The following ZNF217 variants were observed in gnomAD, a reference collection of about 807,000 sequenced individuals.
The protein encoded by ZNF217 is zinc finger protein 217.
ZNF217 carries 12 observed loss-of-function variants against 73.3 expected under a neutral mutation model. That is an observed-to-expected ratio of 0.16 (90% CI 0.10 to 0.27). ZNF217 has a LOEUF of 0.27. Among genes scored for constraint, ZNF217 ranks in the 10% least tolerant of loss-of-function variants. ZNF217 has a pLI of 1.00. For missense variants in ZNF217, 1,195 were observed against 1,327.8 expected, an observed-to-expected ratio of 0.90 and a Z score of 1.55; for synonymous variants, 588 against 516.4, an observed-to-expected ratio of 1.14 and a Z score of -1.88.
At chr20:53,595,783 C>T (rs1989031256), upstream of ZNF217, among the ~76,000 whole-genome samples, 3 of 152,154 alleles carry the variant, frequency 2.0e-5, no homozygotes, top group South Asian at 4.1e-4. Flanking sequence ...TTGTCACATT[C>T]TAAAACACAG....
Position 53,576,048 on chromosome 20 carries a change from T to A in ZNF217, c.2716A>T (p.Ser906Cys), listed in dbSNP as rs1159647533. The change falls in exon 4 of 6, where the codon AGC becomes TGC. Residue 906 changes from serine (S) to cysteine (C), a missense_variant. By Grantham distance (112) the Ser-to-Cys change is moderately radical (BLOSUM62 -1). This residue lies in a region of ZNF217 where 649 missense variants were observed against 642.8 expected (regional missense o/e 1.01). Transcript: ENST00000371471. The stretch of plus-strand genomic sequence containing the variant: ...TCACCAAATTCTGCTGCAGTATTGC[T>A]GGCACTCCGATTACAGAAATAGTCT... ...GRDYFCNRSA[S>C]NTAAEFGEPL... 2 of 1,614,096 alleles carry A rather than the reference T, an allele frequency of 1.2e-6. No homozygotes were observed. Among genetic ancestry groups the A allele is most frequent in the Admixed American group, 3.3e-5 (2 of 60,010 alleles).
intron 1 of ZNF217, among the ~76,000 whole-genome samples, chr20:53,588,960 A>G (rs1988792845): frequency 6.6e-6 from 1 of 152,246 alleles, no homozygotes; most frequent in East Asian, 1.9e-4. Context: ...TACAAAAGAA[A>G]CAAAAACACT....
intron 1 of ZNF217, among the ~76,000 whole-genome samples, chr20:53,585,643 G>T (rs1261315178): frequency 2.0e-5 from 3 of 152,134 alleles, no homozygotes; most frequent in Non-Finnish European, 4.4e-5. Flanking sequence ...AGATGTTTTG[G>T]TTCCAATTCT....
chr20:53,577,607 G>C (rs1026446321), intron 3 of ZNF217, among the ~76,000 whole-genome samples: 1 of 152,232 alleles, frequency 6.6e-6, no homozygotes, highest in Admixed American at 6.5e-5. Context: ...AGGGTGCACA[G>C]ATAGTAAGTG....
Position 53,581,313 on chromosome 20 carries a change from A to T in ZNF217, c.1366+148T>A. 3 of 1,107,820 alleles carry T rather than the reference A, an allele frequency of 2.7e-6. No individual in the cohort carries two copies. The highest frequency in any genetic ancestry group is 3.8e-6 in the Non-Finnish European group (3 of 796,106). The allele number at this position is 1,107,820 out of a possible 1,614,324, so 68.6% of individuals were successfully genotyped here. On this transcript the variant is annotated intron_variant, in intron 2 of 5. Transcript: ENST00000371471. The surrounding 1 kb of genome is among the most constrained non-coding windows in gnomAD (Gnocchi z 4.9). Reference sequence around the variant, plus strand: ...CTGAGAGGTTAAATGACTTACACAGAGTGATACCAAAAAGAGCCTGGACTT... The same window carrying T: ...CTGAGAGGTTAAATGACTTACACAGTGTGATACCAAAAAGAGCCTGGACTT...
Position 53,582,156 on chromosome 20 carries a change from A to G in ZNF217, c.671T>C (p.Leu224Pro). Residue 224 changes from leucine to proline, a missense_variant, in exon 2 of 6, where the codon CTA (leucine) becomes CCA (proline). Leu to Pro is a moderately conservative substitution (Grantham distance 98). Coordinates refer to ENST00000371471, the MANE Select transcript of ZNF217 (RefSeq NM_006526.3). This position sits in a 1 kb window ranked among gnomAD's most constrained non-coding sequence, Gnocchi z 4.8. ...PYKICMVCGF[L>P]FPNKESLIEH... ...AATTAGACTTTCTTTATTTGGAAAT[A>G]GGAAGCCACAAACCATGCAGATTTT... 4 of 1,614,212 alleles carry G rather than the reference A, an allele frequency of 2.5e-6. No homozygotes were observed. Among genetic ancestry groups the G allele is most frequent in the Non-Finnish European group, 3.4e-6 (4 of 1,180,044 alleles).
rs146984310 is a variant in ZNF217, at chr20:53,575,599, T to C, written c.3037+128A>G. ...CCGTATCTAAGAATGCTTCTCTCTG[T>C]GACCCCCAAGAACTTCTGGCTGCCT... is the stretch of plus-strand genomic sequence containing the variant. On this transcript the variant is annotated intron_variant, in intron 4 of 5. Transcript: ENST00000371471. The C allele has an allele frequency of 2.4e-3, 2,048 of 850,454 alleles. 27 individuals carry two copies. In the African/African-American group the frequency reaches 0.028, roughly 12 times the overall value. The allele number at this position is 850,454 out of a possible 1,614,324, so 52.7% of individuals were successfully genotyped here. A position where few individuals can be genotyped will look rare whatever the true frequency, so the allele number is the denominator to read the frequency against.
At chr20:53,594,548 G>GCGCCCCC (rs1381334521), upstream of ZNF217, among the ~76,000 whole-genome samples, 1 of 151,234 alleles carries the variant, frequency 6.6e-6, no homozygotes, top group Non-Finnish European at 1.5e-5. Flanking sequence ...CACCCTCCCC[G>GCGCCCCC]CGCCCCCCGC....
rs776396838 is a variant in ZNF217 at position 53,575,786 on chromosome 20, G to A, written c.2978C>T (p.Ser993Phe). 1 of 1,612,210 alleles carries A rather than the reference G, an allele frequency of 6.2e-7. No homozygotes were observed. Among genetic ancestry groups the A allele is most frequent in the Non-Finnish European group, 8.5e-7 (1 of 1,179,088 alleles). Residue 993 changes from serine (S) to phenylalanine (F), a missense_variant, in exon 4 of 6, where the codon TCC (serine) becomes TTC (phenylalanine). Transcript: ENST00000371471. ...AGGCACACAAGTGTAAAGTGGCCCG[G>A]AGCCACCATAGGGCTTCTGAACAGT... ...VLTVQKPYGG[S>F]GPLYTCVPAG...
rs1988303107 is a variant in ZNF217 at position 53,576,977 on chromosome 20, T to C, written c.1787A>G (p.His596Arg). The change falls in exon 4 of 6, where the codon CAC becomes CGC. Residue 596 changes from histidine to arginine, a missense_variant. By Grantham distance (29) the His-to-Arg change is conservative. Transcript: ENST00000371471. ...TTTATGGAAATCCTGAGTATCTTTG[T>C]GTGCTGGTGAGAGGACAGCGCTGCC... Reference protein sequence around the residue: ...VLGSAVLSPAHKDTQDFHKNA... With the variant: ...VLGSAVLSPARKDTQDFHKNA... The C allele has an allele frequency of 2.5e-6, 4 of 1,614,230 alleles. No homozygotes were observed. The highest frequency in any genetic ancestry group is 3.4e-6 in the Non-Finnish European group (4 of 1,180,038).
chr20:53,575,631 C>T (rs545712309), intron 4 of ZNF217, 96 bp downstream of exon 4: 11 of 1,249,598 alleles, frequency 8.8e-6, no homozygotes, highest in Non-Finnish European at 1.2e-5. Context: ...GCCTACCCCC[C>T]ACCCTTGGGA....
chr20:53,573,932 G>A (rs1178202175), intron 4 of ZNF217, among the ~76,000 whole-genome samples: 2 of 152,020 alleles, frequency 1.3e-5, no homozygotes, highest in Non-Finnish European at 2.9e-5. Context: ...TTAGGCTGGC[G>A]TGGCGGTGGG....
Position 53,581,648 on chromosome 20 carries a change from G to A in ZNF217, c.1179C>T (p.His393=), listed in dbSNP as rs758472287. ...TCCGGTCCTTCTTGTGGACCCTGGA[G>A]TGCAAGACCAGCTGGTGGTAGGTTC... The part of the protein sequence containing the change: ...AFRTYHQLVL[H]SRVHKKDRRA... Residue 393 remains histidine, a synonymous_variant, in exon 2 of 6, where the codon CAC becomes CAT. Transcript: ENST00000371471. The surrounding 1 kb of genome is among the most constrained non-coding windows in gnomAD (Gnocchi z 4.9). The A allele has an allele frequency of 6.2e-7, 1 of 1,614,258 alleles. No individual in the cohort carries two copies. Among genetic ancestry groups the A allele is most frequent in the South Asian group, 1.1e-5 (1 of 91,084 alleles).
rs1219167643 is a variant in ZNF217 at position 53,569,279 on chromosome 20, AT to A, written c.*24-16del. ...TCCACCAAGACCTAAGGAAAACAAC[AT>A]TTTTTAAATGATTAAGATCAAAACT... is the stretch of plus-strand genomic sequence containing the variant. On this transcript the variant is annotated splice_polypyrimidine_tract_variant and intron_variant, in intron 5 of 5. Transcript: ENST00000371471. 1 of 1,291,326 alleles carries A rather than the reference AT, an allele frequency of 7.7e-7. No homozygotes were observed. Among genetic ancestry groups the A allele is most frequent in the Admixed American group, 2.8e-5 (1 of 36,298 alleles). The allele number at this position is 1,291,326 out of a possible 1,614,324, so 80.0% of individuals were successfully genotyped here.
upstream of ZNF217, among the ~76,000 whole-genome samples, chr20:53,596,603 C>T (rs1446936219): frequency 6.6e-6 from 1 of 152,058 alleles, no homozygotes; most frequent in Non-Finnish European, 1.5e-5. Context: ...TATGGAAACT[C>T]CAAAAGTAAC....
intron 1 of ZNF217, among the ~76,000 whole-genome samples, chr20:53,592,366 T>C (rs1988905793): frequency 6.7e-6 from 1 of 149,924 alleles, no homozygotes; most frequent in Non-Finnish European, 1.5e-5. Flanking sequence ...AAACCTGAAA[T>C]GACTACCCTT....
At chr20:53,596,798 AAAAC>A (rs1989047915), upstream of ZNF217, among the ~76,000 whole-genome samples, 1 of 151,928 alleles carries the variant, frequency 6.6e-6, no homozygotes, top group African/African-American at 2.4e-5. Context: ...TGCCAGCAAA[AAAAC>A]AAAGAATGGA....
In ZNF217 at chr20:53,575,083, C is replaced by G. The variant is rs921472760; in HGVS notation, c.3037+644G>C. 3.3e-5 allele frequency: 5 copies of G among 152,340 alleles called. No individual in the cohort carries two copies. In the East Asian group the frequency reaches 7.7e-4, roughly 24 times the overall value. 9.4% of individuals were successfully genotyped at this position (152,340 alleles called of 1,614,324 possible). A position where few individuals can be genotyped will look rare whatever the true frequency, so the allele number is the denominator to read the frequency against. On this transcript the variant is annotated intron_variant, in intron 4 of 5. Coordinates refer to ENST00000371471, the MANE Select transcript of ZNF217 (RefSeq NM_006526.3). ...ATAAGGCTGGGTATGGTGGCTCGCG[C>G]CTGTAATGCTGGCATTCTGGGAGGC...
chr20:53,596,454 C>G (rs1989043922), upstream of ZNF217, among the ~76,000 whole-genome samples: 1 of 152,174 alleles, frequency 6.6e-6, no homozygotes, highest in Non-Finnish European at 1.5e-5. Context: ...GTTGCAAATA[C>G]ATACTGTGTT....
Sources: allele counts gnomAD v4.1 joint callset (sites outside exome capture counted in the v4.1 genomes callset), GRCh38; gene constraint gnomAD v4.1.1; regional missense constraint gnomAD v4.1.1; non-coding constraint Gnocchi (gnomAD v3.1); transcripts MANE v1.5; gene names NCBI Gene and HGNC (gene_info 2026-07-23, HGNC 2026-07-21).